NKAIN2: variants seen among roughly 807,000 people sequenced by gnomAD.
NKAIN2 encodes the protein sodium/potassium-transporting ATPase subunit beta-1-interacting protein 2.
A neutral mutation model predicts 32.6 loss-of-function variants in NKAIN2; 14 were observed. That is an observed-to-expected ratio of 0.43 (90% confidence interval 0.28 to 0.67). The LOEUF is 0.67. Among genes scored for constraint, NKAIN2 ranks in the 30% least tolerant of loss-of-function variants. The probability of loss-of-function intolerance (pLI) is 0.17; values close to 1 mark genes in which losing one functional copy is unlikely to be tolerated. For missense variants in NKAIN2, 198 were observed against 258.3 expected (o/e 0.77, Z 1.60); for synonymous variants, 80 against 87.2 (o/e 0.92, Z 0.46).
intron 3 of NKAIN2, among the ~76,000 whole-genome samples, chr6:124,448,947 C>T (rs551687677): frequency 3.9e-5 from 6 of 152,032 alleles, no homozygotes; most frequent in African/African-American, 7.2e-5. Context: ...CTTCTATGTA[C>T]GAAACCACTT....
At chr6:124,657,793 A>G (rs1784593350) in intron 3 of NKAIN2, among the ~76,000 whole-genome samples, 1 of 151,960 alleles carries the variant, frequency 6.6e-6, no homozygotes, top group Non-Finnish European at 1.5e-5. Flanking sequence ...ATTTTGAGAG[A>G]AAAAAATAAA....
At chr6:123,858,691 A>G (rs1775658636) in intron 1 of NKAIN2, among the ~76,000 whole-genome samples, 2 of 152,168 alleles carry the variant, frequency 1.3e-5, no homozygotes, top group Non-Finnish European at 2.9e-5. Context: ...TCACAGCCAT[A>G]TTGGGCCACC....
intron 3 of NKAIN2, among the ~76,000 whole-genome samples, chr6:124,427,611 G>A (rs970630002): frequency 4.6e-5 from 7 of 152,098 alleles, no homozygotes; most frequent in African/African-American, 1.7e-4. Context: ...GAATAATTTG[G>A]ATAAAGAATA....
chr6:124,043,643 A>G (rs1368347504), intron 1 of NKAIN2, among the ~76,000 whole-genome samples: 2 of 152,072 alleles, frequency 1.3e-5, no homozygotes, highest in Non-Finnish European at 2.9e-5. Flanking sequence ...GTCAGACCAA[A>G]CAACCAGATG....
rs1776378604 is a variant in NKAIN2, at chr6:124,457,753, T to G, written c.273+102406T>G. Among the ~76,000 whole-genome samples, 2 of 151,896 alleles carry G rather than the reference T, an allele frequency of 1.3e-5. 1 individual carries two copies. Among genetic ancestry groups the G allele is most frequent in the Admixed American group, 1.3e-4 (2 of 15,186 alleles). ...CACATACTCACGTATTCATTCAAAG[T>G]GTTATTACTTCCATTGCCAGGTGCC... is the stretch of plus-strand genomic sequence containing the variant. On this transcript the variant is annotated intron_variant, in intron 3 of 6. Coordinates refer to ENST00000368417, the MANE Select transcript of NKAIN2 (RefSeq NM_001040214.3).
intron 3 of NKAIN2, among the ~76,000 whole-genome samples, chr6:124,375,802 AAC>A (rs1799966885): frequency 2.0e-5 from 3 of 152,210 alleles, no homozygotes; most frequent in South Asian, 2.1e-4. Context: ...TAAATGAAGA[AAC>A]ACAGAAATTA....
intron 4 of NKAIN2, among the ~76,000 whole-genome samples, chr6:124,781,919 C>T (rs959522884): frequency 3.3e-5 from 5 of 152,114 alleles, no homozygotes; most frequent in Admixed American, 1.3e-4. Context: ...TTTGTGTCTT[C>T]CCCAATCCAC....
chr6:123,823,969 G>A (rs1774032088), intron 1 of NKAIN2, among the ~76,000 whole-genome samples: 1 of 152,100 alleles, frequency 6.6e-6, no homozygotes, highest in Non-Finnish European at 1.5e-5. Context: ...TATTCTTTAA[G>A]AAATTAAAAA....
Position 123,868,058 on chromosome 6 carries a change from C to T in NKAIN2, c.54+63804C>T, listed in dbSNP as rs562565498. Among the ~76,000 whole-genome samples, 19 of 152,016 alleles carry T rather than the reference C, an allele frequency of 1.2e-4. 1 individual carries two copies. In the South Asian group the frequency reaches 1.9e-3, roughly 15 times the overall value. ...TAATTTTTTGTATTTTTAGTAGAGA[C>T]AGGGTTTCACTGTGTTAGCCAGGAT... On this transcript the variant is annotated intron_variant, in intron 1 of 6. Transcript: ENST00000368417.
intron 3 of NKAIN2, chr6:124,437,804 T>C (rs931255649): frequency 2.8e-6 from 1 of 359,792 alleles, no homozygotes; most frequent in East Asian, 7.7e-5. Flanking sequence ...TTTTGAAGAA[T>C]GAATAATAAT....
chr6:124,497,366 T>C (rs977476664), intron 3 of NKAIN2, among the ~76,000 whole-genome samples: 1 of 152,178 alleles, frequency 6.6e-6, no homozygotes, highest in African/African-American at 2.4e-5. Flanking sequence ...TTAAACTGTG[T>C]TATTACCTCC....
intron 1 of NKAIN2, among the ~76,000 whole-genome samples, chr6:124,165,550 T>A (rs956664798): frequency 6.6e-6 from 1 of 152,034 alleles, no homozygotes; most frequent in African/African-American, 2.4e-5. Context: ...AGTTTTAGGG[T>A]ACATGTGCAC....
chr6:124,180,013 C>A (rs1239917406), intron 1 of NKAIN2, among the ~76,000 whole-genome samples: 1 of 152,156 alleles, frequency 6.6e-6, no homozygotes, highest in Non-Finnish European at 1.5e-5. Flanking sequence ...ATTTCCCACT[C>A]TCTGTATGAC....
At chr6:123,883,884 G>C (rs2114341569) in intron 1 of NKAIN2, among the ~76,000 whole-genome samples, 1 of 91,432 alleles carries the variant, frequency 1.1e-5, no homozygotes, top group East Asian at 3.3e-4. Flanking sequence ...GACAGAGCGA[G>C]ACTCTGTCTC....
chr6:124,719,721 C>T (rs1372702711), intron 4 of NKAIN2, among the ~76,000 whole-genome samples: 3 of 93,304 alleles, frequency 3.2e-5, no homozygotes, highest in African/African-American at 1.3e-4. Context: ...ACTGACCCTG[C>T]TAATCAAAAA....
intron 3 of NKAIN2, among the ~76,000 whole-genome samples, chr6:124,476,457 A>G (rs1217023263): frequency 6.6e-6 from 1 of 150,798 alleles, no homozygotes; most frequent in African/African-American, 2.4e-5. Context: ...ATAAGAAAAA[A>G]TATACTTTTC....
chr6:124,178,429 C>G (rs1789274231), intron 1 of NKAIN2, among the ~76,000 whole-genome samples: 1 of 151,838 alleles, frequency 6.6e-6, no homozygotes, highest in Non-Finnish European at 1.5e-5. Flanking sequence ...TCCCGAGTAG[C>G]TGGGACTACA....
chr6:124,391,850 C>G lies in NKAIN2; in HGVS notation c.273+36503C>G, dbSNP rs551155832. Among the ~76,000 whole-genome samples the G allele has an allele frequency of 3.9e-5, 6 of 152,168 alleles. No homozygotes were observed. The South Asian group carries it at 1.2e-3, about 32-fold the overall frequency. ...CTGTCCCATACCCTACTATCCTTCC[C>G]CCTACCTAAGTCAGAGTGTGGACTT... On this transcript the variant is annotated intron_variant, in intron 3 of 6. Transcript: ENST00000368417.
chr6:124,190,638 TA>T (rs1349936785), intron 1 of NKAIN2, among the ~76,000 whole-genome samples: 1 of 152,194 alleles, frequency 6.6e-6, no homozygotes, highest in Non-Finnish European at 1.5e-5. Context: ...AATAAGCGTA[TA>T]CCCAGATTTT....
Sources: gnomAD v4.1 joint callset for allele counts (sites outside exome capture counted in the v4.1 genomes callset) on GRCh38, gnomAD v4.1.1 for gene constraint, MANE v1.5 for transcripts, NCBI Gene and HGNC (gene_info 2026-07-23, HGNC 2026-07-21) for gene names.